The following MINDY2 variants were observed in gnomAD, a reference collection of about 807,000 sequenced individuals.
MINDY2 encodes MINDY lysine 48 deubiquitinase 2.
Under a neutral mutation model 68.2 loss-of-function variants are expected in MINDY2, and 52 were observed. The ratio of observed to expected loss-of-function variants is 0.76; its 90% CI spans 0.61 to 0.96. The LOEUF (loss-of-function observed/expected upper bound fraction) is 0.96, where lower values mean the gene tolerates loss of function less well. Among genes scored for constraint, MINDY2 ranks in the 40% least tolerant of loss-of-function variants. The probability of loss-of-function intolerance (pLI) is 0.00; values close to 1 mark genes in which losing one functional copy is unlikely to be tolerated. For missense variants in MINDY2, 881 were observed against 773.4 expected, an observed-to-expected ratio of 1.14 and a Z score of -1.65; for synonymous variants, 372 against 303.0, an observed-to-expected ratio of 1.23 and a Z score of -2.36.
rs1316908613 is a variant in MINDY2 at position 58,860,738 on chromosome 15, A to G, written c.*6128A>G. On this transcript the variant is annotated 3_prime_UTR_variant, in exon 9 of 9. Transcript: ENST00000559228. ...TTTTAATGAACCTTACATTGTGAAC[A>G]TAATTGCAACATGTTTTAAGACAAA... The G allele has an allele frequency of 6.6e-6, 1 of 152,240 alleles. No individual in the cohort carries two copies. The highest frequency in any genetic ancestry group is 6.5e-5 in the Admixed American group (1 of 15,286). The allele number at this position is 152,240 out of a possible 1,614,324, so 9.4% of individuals were successfully genotyped here.
At chr15:58,799,683 T>C (rs534833789) in intron 2 of MINDY2, among the ~76,000 whole-genome samples, 3 of 152,226 alleles carry the variant, frequency 2.0e-5, no homozygotes, top group African/African-American at 4.8e-5. Flanking sequence ...GGAATTTTGA[T>C]TGGCAAAGGT....
chr15:58,820,443 CAAA>C (rs1313993928), intron 4 of MINDY2, among the ~76,000 whole-genome samples: 6 of 88,334 alleles, frequency 6.8e-5, no homozygotes, highest in South Asian at 3.6e-4. Flanking sequence ...GACTCCATCT[CAAA>C]AAAAAAAAAA....
At chr15:58,798,639 A>G (rs191712381) in intron 2 of MINDY2, among the ~76,000 whole-genome samples, 2 of 152,046 alleles carry the variant, frequency 1.3e-5, no homozygotes, top group Non-Finnish European at 2.9e-5. Flanking sequence ...TATTTTTAGT[A>G]GAGATGGGGT....
At chr15:58,838,414 A>T (rs1337690665) in intron 6 of MINDY2, among the ~76,000 whole-genome samples, 1 of 151,850 alleles carries the variant, frequency 6.6e-6, no homozygotes, top group Non-Finnish European at 1.5e-5. Context: ...AACAAAAAAG[A>T]TATACTTTCA....
intron 2 of MINDY2, among the ~76,000 whole-genome samples, chr15:58,799,181 G>A (rs1015356251): frequency 1.3e-5 from 2 of 152,180 alleles, no homozygotes; most frequent in African/African-American, 4.8e-5. Flanking sequence ...AGGGCCAGTC[G>A]TGCCAGAACA....
intron 4 of MINDY2, among the ~76,000 whole-genome samples, chr15:58,819,737 A>G (rs1428637032): frequency 6.6e-6 from 1 of 152,206 alleles, no homozygotes; most frequent in East Asian, 1.9e-4. Context: ...AATGAAAAGC[A>G]CTATAAAGTA....
At chr15:58,808,232 CAG>C (rs1490983931) in intron 3 of MINDY2, among the ~76,000 whole-genome samples, 1 of 152,160 alleles carries the variant, frequency 6.6e-6, no homozygotes, top group East Asian at 1.9e-4. Context: ...CATTATCACC[CAG>C]AGTCTATAAT....
At chr15:58,803,481 A>AG (rs1183394577) in intron 3 of MINDY2, among the ~76,000 whole-genome samples, 5 of 150,894 alleles carry the variant, frequency 3.3e-5, no homozygotes, top group African/African-American at 9.8e-5. Context: ...AAAAAAAAAA[A>AG]AAGAAGAAGA....
At chr15:58,843,662 C>G (rs2032384311) in intron 6 of MINDY2, among the ~76,000 whole-genome samples, 1 of 151,818 alleles carries the variant, frequency 6.6e-6, no homozygotes, top group South Asian at 2.1e-4. Flanking sequence ...AGTGAAACCC[C>G]CTCGCTACTA....
rs182669947 is a variant in MINDY2, at chr15:58,793,437, A to G, written c.898+5474A>G. Among the ~76,000 whole-genome samples, 876 of 152,328 alleles carry G rather than the reference A, an allele frequency of 5.8e-3. 10 individuals are homozygous for G. The highest frequency in any genetic ancestry group is 0.013 in the African/African-American group (530 of 41,574). Reference sequence around the variant, plus strand: ...CTGCACTCCAGCCTGGGCGACAGTGAGAAACTGTCTCAAAAAATAAGTAAA... The same window carrying G: ...CTGCACTCCAGCCTGGGCGACAGTGGGAAACTGTCTCAAAAAATAAGTAAA... On this transcript the variant is annotated intron_variant, in intron 2 of 8. Transcript: ENST00000559228.
At chr15:58,775,987 C>G (rs1370960597) in intron 1 of MINDY2, among the ~76,000 whole-genome samples, 1 of 151,474 alleles carries the variant, frequency 6.6e-6, no homozygotes, top group African/African-American at 2.4e-5. Context: ...CTCAGCCTCT[C>G]GAGTAGCTGG....
intron 1 of MINDY2, among the ~76,000 whole-genome samples, chr15:58,772,475 G>T (rs926231340): frequency 1.3e-5 from 2 of 152,102 alleles, no homozygotes; most frequent in African/African-American, 2.4e-5. Context: ...TTCAATTGTG[G>T]TTGATACACT....
intron 1 of MINDY2, among the ~76,000 whole-genome samples, chr15:58,785,940 G>A (rs1279968715): frequency 6.6e-6 from 1 of 151,940 alleles, no homozygotes; most frequent in Non-Finnish European, 1.5e-5. Flanking sequence ...CAACCTCCCG[G>A]ATTACAGGTG....
intron 2 of MINDY2, among the ~76,000 whole-genome samples, chr15:58,793,800 T>A (rs1333291264): frequency 6.6e-6 from 1 of 152,106 alleles, no homozygotes; most frequent in Non-Finnish European, 1.5e-5. Context: ...AACAAAGTCA[T>A]CAGCTGGGAG....
chr15:58,790,658 A>G (rs1358903131), intron 2 of MINDY2, among the ~76,000 whole-genome samples: 3 of 152,166 alleles, frequency 2.0e-5, no homozygotes, highest in African/African-American at 7.2e-5. Flanking sequence ...GGCTTTAAAC[A>G]AGGTAAAATA....
chr15:58,811,515 C>G (rs188561129), intron 4 of MINDY2, among the ~76,000 whole-genome samples: 73 of 152,240 alleles, frequency 4.8e-4, no homozygotes, highest in African/African-American at 1.7e-3. Flanking sequence ...AAAATAATTG[C>G]CACTCCTAAC....
chr15:58,771,303 C>G lies in MINDY2; in HGVS notation c.-93C>G, dbSNP rs2140874427. 1 of 1,508,130 alleles carries G rather than the reference C, an allele frequency of 6.6e-7. No individual in the cohort carries two copies. Among genetic ancestry groups the G allele is most frequent in the Non-Finnish European group, 8.8e-7 (1 of 1,131,988 alleles). 93.4% of individuals were successfully genotyped at this position (1,508,130 alleles called of 1,614,324 possible). The stretch of plus-strand genomic sequence containing the variant: ...GCCTGACCGAGGCCGCGCCAGGGCG[C>G]TGTTGCTGCCAATACAGCTGTCATG... On this transcript the variant is annotated 5_prime_UTR_variant, in exon 1 of 9. Coordinates refer to ENST00000559228, the MANE Select transcript of MINDY2 (RefSeq NM_001040450.3).
At chr15:58,849,542 A>G in intron 7 of MINDY2, among the ~76,000 whole-genome samples, 1 of 152,126 alleles carries the variant, frequency 6.6e-6, no homozygotes, top group East Asian at 1.9e-4. Flanking sequence ...ATGAAGGCAG[A>G]GTGATAGATT....
intron 6 of MINDY2, among the ~76,000 whole-genome samples, chr15:58,836,529 A>G (rs1595767235): frequency 6.6e-6 from 1 of 152,072 alleles, no homozygotes; most frequent in Non-Finnish European, 1.5e-5. Context: ...TCTATTTCCT[A>G]TATTCCTATT....
Sources: gnomAD v4.1 joint callset for allele counts (sites outside exome capture counted in the v4.1 genomes callset) on GRCh38, gnomAD v4.1.1 for gene constraint, MANE v1.5 for transcripts, NCBI Gene and HGNC (gene_info 2026-07-23, HGNC 2026-07-21) for gene names.